AGBL4: variants seen among roughly 807,000 people sequenced by gnomAD.
The protein encoded by AGBL4 is AGBL carboxypeptidase 4.
A neutral mutation model predicts 66.4 loss-of-function variants in AGBL4; 58 were observed. The observed-to-expected ratio is 0.87, with a 90% CI of 0.71 to 1.09. AGBL4 has a LOEUF of 1.09. AGBL4 is among the 50% of genes least tolerant of loss of function. The pLI, the probability that AGBL4 is intolerant of heterozygous loss-of-function variation, is 0.00. For synonymous variants in AGBL4, 234 were observed against 222.9 expected, an observed-to-expected ratio of 1.05 and a Z score of -0.44; for missense variants, 579 against 631.0, an observed-to-expected ratio of 0.92 and a Z score of 0.88.
intron 6 of AGBL4, among the ~76,000 whole-genome samples, chr1:48,693,321 A>G (rs1330352285): frequency 6.6e-6 from 1 of 152,184 alleles, no homozygotes; most frequent in African/African-American, 2.4e-5. Flanking sequence ...AACATGACAG[A>G]GAGGAAGCCA....
chr1:49,918,016 A>G (rs1651749076), intron 1 of AGBL4, among the ~76,000 whole-genome samples: 1 of 152,218 alleles, frequency 6.6e-6, no homozygotes, highest in African/African-American at 2.4e-5. Flanking sequence ...GGCAGAAATA[A>G]AGATGTTCTT....
At chr1:48,989,900 A>T (rs542833869) in intron 5 of AGBL4, among the ~76,000 whole-genome samples, 1 of 152,304 alleles carries the variant, frequency 6.6e-6, no homozygotes, top group East Asian at 1.9e-4. Context: ...TATATCCAAT[A>T]GTGTGATTGC....
intron 2 of AGBL4, among the ~76,000 whole-genome samples, chr1:49,847,110 A>G (rs1646168086): frequency 1.3e-5 from 2 of 152,182 alleles, no homozygotes; most frequent in Non-Finnish European, 2.9e-5. Context: ...AGAATAGAGA[A>G]CCCAGAAATA....
intron 1 of AGBL4, among the ~76,000 whole-genome samples, chr1:49,928,355 A>G (rs1653002318): frequency 6.6e-6 from 1 of 152,062 alleles, no homozygotes; most frequent in African/African-American, 2.4e-5. Flanking sequence ...GGTTCAAGCA[A>G]TTCTCCTGCC....
intron 2 of AGBL4, among the ~76,000 whole-genome samples, chr1:49,710,433 T>C (rs945477902): frequency 8.6e-5 from 13 of 152,012 alleles, no homozygotes; most frequent in Non-Finnish European, 2.9e-5. Context: ...ACACTGGGCC[T>C]GTTGGAGGTT....
intron 6 of AGBL4, chr1:48,818,025 G>C: frequency 1.4e-6 from 1 of 710,158 alleles, no homozygotes; most frequent in African/African-American, 1.7e-5. Context: ...AAACATTCCC[G>C]AGATTAGGTC....
At chr1:49,249,525 T>A (rs1203077117) in intron 3 of AGBL4, among the ~76,000 whole-genome samples, 1 of 152,176 alleles carries the variant, frequency 6.6e-6, no homozygotes, top group East Asian at 1.9e-4. Context: ...TGAGGTATCA[T>A]CTCACTGCAA....
At chr1:49,967,035 G>C (rs1349284633) in intron 1 of AGBL4, among the ~76,000 whole-genome samples, 1 of 152,058 alleles carries the variant, frequency 6.6e-6, no homozygotes, top group Admixed American at 6.5e-5. Flanking sequence ...TGGGATTACT[G>C]GGTCAAATGG....
chr1:49,173,499 T>C (rs1177107291), intron 4 of AGBL4, among the ~76,000 whole-genome samples: 2 of 152,204 alleles, frequency 1.3e-5, no homozygotes, highest in Admixed American at 1.3e-4. Flanking sequence ...ATTTATTGTA[T>C]TAGTCATTAA....
In AGBL4 at chr1:49,943,411, G is replaced by C. The variant is rs534598647; in HGVS notation, c.34+80352C>G. On this transcript the variant is annotated intron_variant, in intron 1 of 13. Transcript: ENST00000371839. ...AGAACCCACCAACCCTCTAAAGGAAGCGGATTGCTCCTGCAGGACCTGGGA... is the reference window on the plus strand; with the variant it reads ...AGAACCCACCAACCCTCTAAAGGAACCGGATTGCTCCTGCAGGACCTGGGA... Among the ~76,000 whole-genome samples, 7 of 152,278 alleles carry C rather than the reference G, an allele frequency of 4.6e-5. No homozygotes were observed. The South Asian group carries it at 8.3e-4, about 18-fold the overall frequency.
intron 3 of AGBL4, among the ~76,000 whole-genome samples, chr1:49,566,586 A>G (rs1489643478): frequency 1.3e-5 from 2 of 152,178 alleles, no homozygotes; most frequent in African/African-American, 4.8e-5. Context: ...TTGCCTGGGT[A>G]TCAGCAGCAG....
intron 1 of AGBL4, among the ~76,000 whole-genome samples, chr1:49,938,379 A>C (rs1379861303): frequency 6.6e-6 from 1 of 152,232 alleles, no homozygotes; most frequent in African/African-American, 2.4e-5. Context: ...AAAATAGTCC[A>C]GGACCAGATG....
intron 4 of AGBL4, among the ~76,000 whole-genome samples, chr1:49,199,254 G>T (rs535215494): frequency 6.6e-6 from 1 of 152,244 alleles, no homozygotes; most frequent in Non-Finnish European, 1.5e-5. Flanking sequence ...ACCTATAGTT[G>T]TTTAATTTCA....
intron 3 of AGBL4, among the ~76,000 whole-genome samples, chr1:49,347,214 A>G (rs1376902281): frequency 1.3e-5 from 2 of 149,208 alleles, no homozygotes; most frequent in East Asian, 2.0e-4. Context: ...ATGGCCTACT[A>G]TGTCTATGAA....
At chr1:49,352,275 C>T (rs1643925122) in intron 3 of AGBL4, among the ~76,000 whole-genome samples, 1 of 151,158 alleles carries the variant, frequency 6.6e-6, no homozygotes, top group African/African-American at 2.4e-5. Context: ...GGGACTAACA[C>T]ATTACCTGGC....
intron 9 of AGBL4, among the ~76,000 whole-genome samples, chr1:48,598,156 A>G (rs1009638655): frequency 3.9e-5 from 6 of 152,182 alleles, no homozygotes; most frequent in African/African-American, 1.4e-4. Flanking sequence ...TAGAATTTGG[A>G]GTTTATCCTA....
chr1:48,824,556 C>G (rs4320823), intron 6 of AGBL4, among the ~76,000 whole-genome samples: 10,623 of 152,144 alleles, frequency 0.07, 508 homozygotes, highest in East Asian at 0.17. Context: ...TTTATTAGCT[C>G]TAGTGAGGTA....
intron 5 of AGBL4, among the ~76,000 whole-genome samples, chr1:49,012,472 A>G (rs1026559527): frequency 2.6e-5 from 4 of 152,206 alleles, no homozygotes; most frequent in African/African-American, 9.6e-5. Flanking sequence ...TTAACATAAG[A>G]GCATGTAGTT....
intron 3 of AGBL4, among the ~76,000 whole-genome samples, chr1:49,277,569 T>C (rs1474150990): frequency 1.3e-5 from 2 of 152,250 alleles, no homozygotes. Context: ...ATAATAATAC[T>C]TTACTGGTTG....
Sources: allele counts gnomAD v4.1 joint callset (sites outside exome capture counted in the v4.1 genomes callset), GRCh38; gene constraint gnomAD v4.1.1; transcripts MANE v1.5; gene names NCBI Gene and HGNC (gene_info 2026-07-23, HGNC 2026-07-21).